The following NRP2 variants were observed in gnomAD, a reference collection of about 807,000 sequenced individuals.
NRP2 encodes the protein neuropilin 2, also known as neuropilin-2.
Under a neutral mutation model 110.4 loss-of-function variants are expected in NRP2, and 52 were observed. The observed-to-expected ratio is 0.47, with a 90% CI of 0.38 to 0.59. NRP2 has a LOEUF of 0.59. Ranked by LOEUF, NRP2 falls within the 20% of genes least tolerant of loss-of-function variation. The probability of loss-of-function intolerance (pLI) is 0.00; values close to 1 mark genes in which losing one functional copy is unlikely to be tolerated. For missense variants in NRP2, 1,049 were observed against 1,203.0 expected, an observed-to-expected ratio of 0.87 and a Z score of 1.89; for synonymous variants, 508 against 468.9, an observed-to-expected ratio of 1.08 and a Z score of -1.08.
At chr2:205,722,964 G>T (rs1023592905) in intron 4 of NRP2, among the ~76,000 whole-genome samples, 1 of 152,294 alleles carries the variant, frequency 6.6e-6, no homozygotes, top group South Asian at 2.1e-4. Flanking sequence ...AAAACTTAAA[G>T]TGTTCATTTC....
At chr2:205,720,282 T>G (rs2056985154) in intron 3 of NRP2, among the ~76,000 whole-genome samples, 1 of 127,750 alleles carries the variant, frequency 7.8e-6, no homozygotes, top group African/African-American at 3.1e-5. Flanking sequence ...TTTTTTTTTT[T>G]TGCCTTAAGT....
At chr2:205,792,620 T>C (rs933886126) in intron 16 of NRP2, among the ~76,000 whole-genome samples, 2 of 152,208 alleles carry the variant, frequency 1.3e-5, no homozygotes, top group African/African-American at 4.8e-5. Flanking sequence ...TCTTTTGACC[T>C]TCTCCCAAAA....
chr2:205,737,254 C>G (rs1208358150), intron 7 of NRP2, among the ~76,000 whole-genome samples: 8 of 152,350 alleles, frequency 5.3e-5, no homozygotes, highest in Non-Finnish European at 8.8e-5. Context: ...TCTGCAAAAG[C>G]ACTTAGGCTG....
At chr2:205,715,570 G>A (rs1338966087) in intron 2 of NRP2, among the ~76,000 whole-genome samples, 3 of 152,152 alleles carry the variant, frequency 2.0e-5, no homozygotes, top group African/African-American at 7.2e-5. Flanking sequence ...GGAGGCGGTG[G>A]CCCACGGGTG....
intron 13 of NRP2, 162 bp downstream of exon 13, chr2:205,764,098 C>T: frequency 1.1e-6 from 1 of 880,946 alleles, no homozygotes; most frequent in African/African-American, 1.7e-5. Flanking sequence ...CAGAATATGC[C>T]TATCTCTACA....
chr2:205,730,680 C>T (rs777550645), intron 7 of NRP2, among the ~76,000 whole-genome samples: 1 of 152,168 alleles, frequency 6.6e-6, no homozygotes, highest in Non-Finnish European at 1.5e-5. Flanking sequence ...TTTCAACTCC[C>T]TGGTCACTGT....
At chr2:205,742,613 A>G (rs894595767) in intron 8 of NRP2, among the ~76,000 whole-genome samples, 1 of 152,190 alleles carries the variant, frequency 6.6e-6, no homozygotes, top group African/African-American at 2.4e-5. Context: ...GGCAGTAAAG[A>G]GCAGTTATTT....
chr2:205,766,982 G>A lies in NRP2; in HGVS notation c.2425+179G>A, dbSNP rs1201986763. On this transcript the variant is annotated intron_variant, in intron 15 of 16. Transcript: ENST00000357785. Reference sequence around the variant, plus strand: ...GCAACACCTGTAGATGCGGGAAGGGGATTGAGAGCCTCACTGTCTCTTGTT... The same window carrying A: ...GCAACACCTGTAGATGCGGGAAGGGAATTGAGAGCCTCACTGTCTCTTGTT... The A allele has an allele frequency of 4.7e-6, 3 of 641,350 alleles. No individual in the cohort carries two copies. In the African/African-American group the frequency reaches 5.5e-5, roughly 12 times the overall value. The allele number at this position is 641,350 out of a possible 1,614,324, so 39.7% of individuals were successfully genotyped here. A position where few individuals can be genotyped will look rare whatever the true frequency, so the allele number is the denominator to read the frequency against.
intron 15 of NRP2, among the ~76,000 whole-genome samples, chr2:205,784,099 G>A (rs940087230): frequency 2.0e-5 from 3 of 151,902 alleles, no homozygotes; most frequent in African/African-American, 7.3e-5. Flanking sequence ...CCAAAACAAA[G>A]GCTCTGCTCC....
chr2:205,763,092 T>C lies in NRP2; in HGVS notation c.2045-582T>C, dbSNP rs2057850835. The stretch of plus-strand genomic sequence containing the variant: ...TTGAAGGTGACACTGGGCTTCTGAG[T>C]CACAGTCACTAGAGCCCAAGCATCA... On this transcript the variant is annotated intron_variant, in intron 12 of 16. Transcript: ENST00000357785. This position sits in a 1 kb window ranked among gnomAD's most constrained non-coding sequence, Gnocchi z 4.0. Among the ~76,000 whole-genome samples the C allele has an allele frequency of 6.6e-6, 1 of 151,990 alleles. No individual in the cohort carries two copies. Among genetic ancestry groups the C allele is most frequent in the African/African-American group, 2.4e-5 (1 of 41,336 alleles).
intron 15 of NRP2, among the ~76,000 whole-genome samples, chr2:205,787,636 A>G (rs2105968410): frequency 6.6e-6 from 1 of 152,282 alleles, no homozygotes; most frequent in South Asian, 2.1e-4. Flanking sequence ...AAAGCAAACT[A>G]ATGAAGGAAT....
intron 10 of NRP2, among the ~76,000 whole-genome samples, chr2:205,747,556 C>T (rs1442031838): frequency 1.3e-5 from 2 of 152,170 alleles, no homozygotes; most frequent in South Asian, 2.1e-4. Flanking sequence ...ATATTATAGT[C>T]GGTATGTTTT....
chr2:205,684,264 C>T (rs545179463), intron 1 of NRP2, among the ~76,000 whole-genome samples: 2 of 152,162 alleles, frequency 1.3e-5, no homozygotes, highest in South Asian at 4.1e-4. Context: ...GGGGTTTGTG[C>T]TTCCTTCTCG....
At chr2:205,744,007 G>T (rs1319003103) in intron 9 of NRP2, among the ~76,000 whole-genome samples, 7 of 152,188 alleles carry the variant, frequency 4.6e-5, no homozygotes, top group African/African-American at 1.7e-4. Flanking sequence ...GCCTCTCAAA[G>T]TGCTGGGATT....
intron 8 of NRP2, among the ~76,000 whole-genome samples, chr2:205,741,470 T>C (rs955185071): frequency 6.6e-5 from 10 of 152,296 alleles, no homozygotes; most frequent in South Asian, 4.1e-4. Flanking sequence ...TGGACACAGC[T>C]TGTGGGCTGA....
intron 7 of NRP2, among the ~76,000 whole-genome samples, chr2:205,734,888 G>T (rs2057315305): frequency 6.6e-6 from 1 of 152,140 alleles, no homozygotes; most frequent in African/African-American, 2.4e-5. Context: ...GCAGTCCCTG[G>T]AGCTGGCTGA....
intron 12 of NRP2, chr2:205,761,930 G>A (rs1215420980): frequency 6.6e-6 from 1 of 152,208 alleles, no homozygotes; most frequent in African/African-American, 2.4e-5. Context: ...CTTGTAACCT[G>A]TAAAGCATTA....
At position 205,763,732 on chromosome 2, in the gene NRP2, G is replaced by A; in HGVS notation, c.2103G>A (p.Arg701=). 6.2e-7 allele frequency: 1 copy of A among 1,614,224 alleles called. No homozygotes were observed. Among genetic ancestry groups the A allele is most frequent in the Admixed American group, 1.7e-5 (1 of 60,032 alleles). ...GCCAGAGAGAGGGCCAGTATGCCCG[G>A]CTCATCAGCCCCCCTGTCCACCTGC... ...SDSQREGQYA[R]LISPPVHLPR... Residue 701 remains arginine, a synonymous_variant, in exon 13 of 17, where the codon CGG becomes CGA. Coordinates refer to ENST00000357785, the MANE Select transcript of NRP2 (RefSeq NM_003872.3). This position sits in a 1 kb window ranked among gnomAD's most constrained non-coding sequence, Gnocchi z 4.0.
intron 16 of NRP2, among the ~76,000 whole-genome samples, chr2:205,793,162 A>G (rs2058320262): frequency 6.6e-6 from 1 of 152,184 alleles, no homozygotes; most frequent in African/African-American, 2.4e-5. Context: ...TTTATGGGCA[A>G]AAGTGCATGA....
Sources: gnomAD v4.1 joint callset for allele counts (sites outside exome capture counted in the v4.1 genomes callset) on GRCh38, gnomAD v4.1.1 for gene constraint, Gnocchi (gnomAD v3.1) non-coding constraint, MANE v1.5 for transcripts, NCBI Gene and HGNC (gene_info 2026-07-23, HGNC 2026-07-21) for gene names.